AFF1: variants seen among roughly 807,000 people sequenced by gnomAD.
The protein encoded by AFF1 is ALF transcription elongation factor 1, also known as AF4/FMR2 family member 1.
AFF1 carries 48 observed loss-of-function variants against 121.7 expected under a neutral mutation model. The ratio of observed to expected loss-of-function variants is 0.39; its 90% confidence interval spans 0.31 to 0.50. The LOEUF is 0.50. AFF1 is among the 20% of genes least tolerant of loss of function. AFF1 has a pLI of 0.76. For synonymous variants in AFF1, 613 were observed against 563.0 expected (o/e 1.09, Z -1.26); for missense variants, 1,523 against 1,511.7 (o/e 1.01, Z -0.12).
chr4:87,002,784 A>G (rs982353191), intron 2 of AFF1, among the ~76,000 whole-genome samples: 1 of 152,170 alleles, frequency 6.6e-6, no homozygotes, highest in Non-Finnish European at 1.5e-5. Context: ...AGCCGGGTCC[A>G]GGGATTCTTA....
Position 87,114,787 on chromosome 4 carries a change from G to C in AFF1, c.1954G>C (p.Val652Leu), listed in dbSNP as rs1170147814. 6.2e-7 allele frequency: 1 copy of C among 1,613,148 alleles called. No individual in the cohort carries two copies. Among genetic ancestry groups the C allele is most frequent in the South Asian group, 1.1e-5 (1 of 90,998 alleles). ...RDQTSKDKPK[V>L]KTKGRPRAAA... ...CCAGACTTCCAAAGACAAGCCCAAGGTGAAGACGAAAGGACGGCCCCGGGC... is the reference window on the plus strand; with the variant it reads ...CCAGACTTCCAAAGACAAGCCCAAGCTGAAGACGAAAGGACGGCCCCGGGC... Residue 652 changes from valine (V) to leucine (L), a missense_variant, in exon 12 of 21, where the codon GTG becomes CTG. Transcript: ENST00000395146.
intron 2 of AFF1, among the ~76,000 whole-genome samples, chr4:87,022,732 ATATC>A (rs1236869270): frequency 6.7e-6 from 1 of 149,370 alleles, no homozygotes; most frequent in Non-Finnish European, 1.5e-5. Context: ...ATATGTATAT[ATATC>A]TGTGTGTGTG....
chr4:87,109,477 G>A (rs1055060442), intron 11 of AFF1, among the ~76,000 whole-genome samples: 1 of 152,192 alleles, frequency 6.6e-6, no homozygotes, highest in African/African-American at 2.4e-5. Context: ...AAACTACACT[G>A]TGTTTCTGGG....
intron 2 of AFF1, chr4:87,006,859 G>A (rs1726178151): frequency 1.2e-5 from 8 of 692,576 alleles, no homozygotes; most frequent in African/African-American, 3.9e-5. Flanking sequence ...GACCCTGCCT[G>A]CCGCTTGCCG....
chr4:87,046,065 C>A, intron 2 of AFF1, 101 bp from the exon 3 acceptor site: 1 of 1,430,320 alleles, frequency 7.0e-7, no homozygotes, highest in Non-Finnish European at 9.6e-7. Flanking sequence ...TGCTTCTTCC[C>A]AGACCTGTCC....
chr4:87,132,241 G>C, intron 18 of AFF1, 30 bp from the exon 19 acceptor site: 3 of 1,601,346 alleles, frequency 1.9e-6, no homozygotes, highest in Non-Finnish European at 2.6e-6. Flanking sequence ...TGATAGTCAC[G>C]TGCAGTTTCA....
rs1387789031 is a variant in AFF1 at position 87,108,277 on chromosome 4, A to G, written c.1495A>G (p.Ser499Gly). Reference protein sequence around the residue: ...DSESESSSSDSEENEPLETPA... With the variant: ...DSESESSSSDGEENEPLETPA... The stretch of plus-strand genomic sequence containing the variant: ...AGAGAGCGAGAGCAGTTCAAGTGAC[A>G]GCGAAGAAAATGAGCCCCTAGAAAC... The change falls in exon 11 of 21, where the codon AGC becomes GGC. Residue 499 changes from serine to glycine, a missense_variant. By Grantham distance (56) the Ser-to-Gly change is moderately conservative. Around this residue, in one of 5 missense-constraint regions of AFF1, gnomAD observed 905 missense variants for 842.5 expected, o/e 1.07. Coordinates refer to ENST00000395146, the MANE Select transcript of AFF1 (RefSeq NM_001166693.3). The G allele has an allele frequency of 6.2e-7, 1 of 1,614,024 alleles. No homozygotes were observed. Among genetic ancestry groups the G allele is most frequent in the Non-Finnish European group, 8.5e-7 (1 of 1,180,004 alleles).
intron 4 of AFF1, among the ~76,000 whole-genome samples, chr4:87,083,206 C>T (rs958262088): frequency 3.3e-5 from 5 of 152,318 alleles, no homozygotes; most frequent in Admixed American, 1.3e-4. Flanking sequence ...TCCCTAGGCA[C>T]TGTCTGGTGG....
At chr4:87,036,170 G>C (rs1198540489) in intron 2 of AFF1, among the ~76,000 whole-genome samples, 1 of 152,188 alleles carries the variant, frequency 6.6e-6, no homozygotes, top group African/African-American at 2.4e-5. Flanking sequence ...AACTAGTCAG[G>C]TGACAGACTT....
At chr4:86,993,504 A>G (rs1461519593) in intron 2 of AFF1, among the ~76,000 whole-genome samples, 1 of 152,230 alleles carries the variant, frequency 6.6e-6, no homozygotes, top group Non-Finnish European at 1.5e-5. Context: ...TAACTCATAG[A>G]TGACTATGCC....
chr4:86,990,614 G>A (rs924666144), intron 2 of AFF1, among the ~76,000 whole-genome samples: 3 of 152,142 alleles, frequency 2.0e-5, no homozygotes, highest in Non-Finnish European at 2.9e-5. Flanking sequence ...AGTGAAAGGA[G>A]TATCTTGTAG....
chr4:87,002,231 TA>T (rs888249353), intron 2 of AFF1, among the ~76,000 whole-genome samples: 4 of 151,348 alleles, frequency 2.6e-5, no homozygotes, highest in Admixed American at 2.6e-4. Flanking sequence ...TAGCTGGGAC[TA>T]CAAGTGTGAG....
At chr4:87,064,607 G>C (rs78164027) in intron 4 of AFF1, among the ~76,000 whole-genome samples, 1 of 152,084 alleles carries the variant, frequency 6.6e-6, no homozygotes, top group African/African-American at 2.4e-5. Flanking sequence ...GGCTGGGCAC[G>C]GTGGCTCATG....
intron 2 of AFF1, among the ~76,000 whole-genome samples, chr4:87,012,744 A>G (rs965615136): frequency 2.0e-5 from 3 of 152,244 alleles, no homozygotes; most frequent in African/African-American, 7.2e-5. Context: ...GAAAATATGT[A>G]TAACTTTTGG....
intron 2 of AFF1, among the ~76,000 whole-genome samples, chr4:87,022,908 AATTT>A (rs1728170091): frequency 6.6e-6 from 1 of 151,402 alleles, no homozygotes; most frequent in African/African-American, 2.4e-5. Flanking sequence ...TTTTATTTTT[AATTT>A]ATTTATTTAA....
chr4:86,952,607 C>T (rs1010894914), intron 2 of AFF1, among the ~76,000 whole-genome samples: 2 of 151,144 alleles, frequency 1.3e-5, no homozygotes, highest in Non-Finnish European at 2.9e-5. Context: ...ATGTTCTGCA[C>T]GTGTGTTTAA....
chr4:87,000,652 T>A (rs1578029410), intron 2 of AFF1, among the ~76,000 whole-genome samples: 1 of 128,304 alleles, frequency 7.8e-6, no homozygotes, highest in Non-Finnish European at 1.8e-5. Flanking sequence ...GCAGAGGAAG[T>A]GGGGGAACTT....
chr4:87,057,543 TACTATGGAACTCTTGGTAGTGGTAG>T (rs1300934466), intron 4 of AFF1, among the ~76,000 whole-genome samples: 1 of 151,682 alleles, frequency 6.6e-6, no homozygotes. Flanking sequence ...TCCATACTCC[TACTATGGAACTCTTGGTAGTGGTAG>T]AAGTGAAATT....
At chr4:86,983,439 T>C (rs1723935334) in intron 2 of AFF1, among the ~76,000 whole-genome samples, 3 of 151,792 alleles carry the variant, frequency 2.0e-5, no homozygotes, top group Admixed American at 2.0e-4. Flanking sequence ...GGCAGGAGAA[T>C]CACTTGAACC....
Sources: gnomAD v4.1 joint callset for allele counts (sites outside exome capture counted in the v4.1 genomes callset) on GRCh38, gnomAD v4.1.1 for gene constraint, gnomAD v4.1.1 regional missense constraint, MANE v1.5 for transcripts, NCBI Gene and HGNC (gene_info 2026-07-23, HGNC 2026-07-21) for gene names.